The following TENM3 variants were observed in gnomAD, a reference collection of about 807,000 sequenced individuals.
TENM3 encodes teneurin-3.
TENM3 carries 63 observed loss-of-function variants against 255.1 expected under a neutral mutation model. That is an observed-to-expected ratio of 0.25 (90% CI 0.20 to 0.30). The LOEUF (loss-of-function observed/expected upper bound fraction) is 0.30, where lower values mean the gene tolerates loss of function less well. Among genes scored for constraint, TENM3 ranks in the 10% least tolerant of loss-of-function variants. The pLI is 1.00. For missense variants in TENM3, 2,929 were observed against 3,461.1 expected (o/e 0.85, Z 3.86); for synonymous variants, 1,306 against 1,322.3 (o/e 0.99, Z 0.27).
At chr4:182,241,902 C>T (rs1757291868), upstream of TENM3, among the ~76,000 whole-genome samples, 2 of 151,926 alleles carry the variant, frequency 1.3e-5, no homozygotes, top group Admixed American at 6.6e-5. Flanking sequence ...TCCGTGGTCA[C>T]AAATAACCTC....
chr4:182,738,537 A>G lies in TENM3; in HGVS notation c.3372A>G (p.Val1124=), dbSNP rs1314436527. 6.2e-7 allele frequency: 1 copy of G among 1,611,036 alleles called. No homozygotes were observed. The highest frequency in any genetic ancestry group is 1.7e-5 in the Admixed American group (1 of 59,556). Residue 1124 remains valine, a synonymous_variant, in exon 18 of 28, where the codon GTA becomes GTG. Coordinates refer to ENST00000511685, the MANE Select transcript of TENM3 (RefSeq NM_001080477.4). Reference sequence around the variant, plus strand: ...TAGATAAACATCACGTGCTGGATGTACAGAACGGTAAGCTCTTGTTCATAG... The same window carrying G: ...TAGATAAACATCACGTGCTGGATGTGCAGAACGGTAAGCTCTTGTTCATAG... ...WTLDKHHVLD[V]QNGILYKGNG...
chr4:181,974,186 G>A, the TENM3 span, among the ~76,000 whole-genome samples: 1 of 152,170 alleles, frequency 6.6e-6, no homozygotes, highest in African/African-American at 2.4e-5. Flanking sequence ...CATAATCTTG[G>A]CATGGGTAGC....
At chr4:181,838,892 G>T in the TENM3 span, among the ~76,000 whole-genome samples, 1 of 151,266 alleles carries the variant, frequency 6.6e-6, no homozygotes, top group Non-Finnish European at 1.5e-5. Context: ...GCTCTTTATT[G>T]TCTGTGTTTC....
intron 12 of TENM3, among the ~76,000 whole-genome samples, chr4:182,706,337 G>C (rs981634758): frequency 2.6e-5 from 4 of 152,164 alleles, no homozygotes; most frequent in Non-Finnish European, 4.4e-5. Context: ...TAATGTACCT[G>C]TTACCCCACA....
chr4:181,824,714 T>G, the TENM3 span, among the ~76,000 whole-genome samples: 1 of 152,090 alleles, frequency 6.6e-6, no homozygotes, highest in Non-Finnish European at 1.5e-5. Flanking sequence ...AATGATCTTC[T>G]AATTCACCAG....
chr4:182,400,823 A>G (rs530825298), intron 3 of TENM3, among the ~76,000 whole-genome samples: 2 of 152,258 alleles, frequency 1.3e-5, no homozygotes, highest in East Asian at 3.9e-4. Flanking sequence ...CCTCTGAGAG[A>G]TGCTTACTTA....
chr4:181,870,299 A>T, the TENM3 span, among the ~76,000 whole-genome samples: 1 of 152,222 alleles, frequency 6.6e-6, no homozygotes, highest in Admixed American at 6.5e-5. Flanking sequence ...TTGTTGTAGA[A>T]GTCTTTTTGT....
At chr4:182,468,340 G>A (rs1732787498) in intron 3 of TENM3, among the ~76,000 whole-genome samples, 1 of 152,172 alleles carries the variant, frequency 6.6e-6, no homozygotes, top group South Asian at 2.1e-4. Context: ...CGCTGTGGGT[G>A]GGGCTGTGTG....
At chr4:181,523,299 C>T in the TENM3 span, among the ~76,000 whole-genome samples, 62 of 152,112 alleles carry the variant, frequency 4.1e-4, no homozygotes, top group African/African-American at 1.3e-3. Context: ...GTTAAATATG[C>T]TTCCACAGTA....
the TENM3 span, among the ~76,000 whole-genome samples, chr4:181,570,062 G>T: frequency 7.6e-6 from 1 of 131,682 alleles, no homozygotes; most frequent in African/African-American, 3.0e-5. Flanking sequence ...TTTTTGAGAC[G>T]GAGTCTCGCT....
the TENM3 span, among the ~76,000 whole-genome samples, chr4:181,504,962 C>T: frequency 3.3e-5 from 5 of 152,286 alleles, no homozygotes; most frequent in East Asian, 1.9e-4. Flanking sequence ...ACAGAGCCTG[C>T]GACACTGGCC....
the TENM3 span, among the ~76,000 whole-genome samples, chr4:181,931,808 C>A: frequency 6.6e-6 from 1 of 152,078 alleles, no homozygotes; most frequent in South Asian, 2.1e-4. Context: ...GGTACTGATA[C>A]CAAAACAGAT....
chr4:181,547,840 G>T, the TENM3 span, among the ~76,000 whole-genome samples: 38,441 of 151,272 alleles, frequency 0.25, 5,308 homozygotes, highest in Admixed American at 0.41. Context: ...AAGTTTTAGG[G>T]TACATGTGCA....
intron 6 of TENM3, among the ~76,000 whole-genome samples, chr4:182,668,180 T>G (rs1221675351): frequency 6.6e-6 from 1 of 152,140 alleles, no homozygotes; most frequent in Admixed American, 6.5e-5. Flanking sequence ...GGGTTTATGG[T>G]GTCTTCAATA....
the TENM3 span, among the ~76,000 whole-genome samples, chr4:181,668,017 A>G: frequency 0.055 from 8,417 of 152,256 alleles, 380 homozygotes; most frequent in African/African-American, 0.12. Context: ...GTGTGTGTGT[A>G]TGCGCTAGAA....
chr4:182,543,400 T>G (rs1741096849), intron 3 of TENM3, among the ~76,000 whole-genome samples: 3 of 152,312 alleles, frequency 2.0e-5, no homozygotes, highest in South Asian at 4.1e-4. Flanking sequence ...GGGTCATTGC[T>G]TCTATTTGGA....
the TENM3 span, among the ~76,000 whole-genome samples, chr4:181,765,441 G>T: frequency 6.6e-6 from 1 of 152,134 alleles, no homozygotes; most frequent in African/African-American, 2.4e-5. Flanking sequence ...TGATATTAAT[G>T]ATTACTGCAA....
chr4:181,532,638 C>T, the TENM3 span, among the ~76,000 whole-genome samples: 1 of 152,088 alleles, frequency 6.6e-6, no homozygotes, highest in Non-Finnish European at 1.5e-5. Flanking sequence ...TCTGAGTGTG[C>T]CCCTATTTTA....
chr4:182,745,127 G>A (rs1404865799), intron 19 of TENM3, among the ~76,000 whole-genome samples: 1 of 152,144 alleles, frequency 6.6e-6, no homozygotes, highest in Non-Finnish European at 1.5e-5. Flanking sequence ...CATTTAAACT[G>A]TTGTGTAGTG....
Sources: gnomAD v4.1 joint callset for allele counts (sites outside exome capture counted in the v4.1 genomes callset) on GRCh38, gnomAD v4.1.1 for gene constraint, MANE v1.5 for transcripts, NCBI Gene and HGNC (gene_info 2026-07-23, HGNC 2026-07-21) for gene names.